Variants in SLC4A4 observed in about 807,000 individuals in gnomAD.
The protein encoded by SLC4A4 is electrogenic sodium bicarbonate cotransporter 1.
In SLC4A4, 27 loss-of-function variants were observed where a neutral mutation model predicts 111.5. That is an observed-to-expected ratio of 0.24 (90% confidence interval 0.18 to 0.33). SLC4A4 has a LOEUF of 0.33. Among genes scored for constraint, SLC4A4 ranks in the 10% least tolerant of loss-of-function variants. SLC4A4 has a pLI of 1.00. For synonymous variants in SLC4A4, 443 were observed against 463.4 expected (o/e 0.96, Z 0.57); for missense variants, 909 against 1,315.5 (o/e 0.69, Z 4.78).
upstream of SLC4A4, among the ~76,000 whole-genome samples, chr4:71,185,710 C>A (rs1196230996): frequency 6.6e-6 from 1 of 152,172 alleles, no homozygotes; most frequent in African/African-American, 2.4e-5. Context: ...ATCTCTGGAT[C>A]TCTTCCAGTT....
intron 2 of SLC4A4, among the ~76,000 whole-genome samples, chr4:71,156,572 ATGCGCG>A (rs747191715): frequency 1.5e-4 from 4 of 26,018 alleles, no homozygotes; most frequent in Non-Finnish European, 1.5e-3. Context: ...GTGTGCGCGC[ATGCGCG>A]CGCGCGCGCG....
intron 2 of SLC4A4, among the ~76,000 whole-genome samples, chr4:71,103,196 G>A (rs1742811288): frequency 6.6e-6 from 1 of 150,414 alleles, no homozygotes; most frequent in Non-Finnish European, 1.5e-5. Flanking sequence ...AATGGTAAAG[G>A]GATCAATTCA....
At chr4:71,526,608 T>C (rs1306716965) in intron 16 of SLC4A4, among the ~76,000 whole-genome samples, 1 of 152,128 alleles carries the variant, frequency 6.6e-6, no homozygotes, top group Admixed American at 6.6e-5. Context: ...TGTTTGTTTA[T>C]ATGTTATTAG....
At chr4:71,379,986 G>A (rs1369441190) in intron 6 of SLC4A4, among the ~76,000 whole-genome samples, 11 of 152,088 alleles carry the variant, frequency 7.2e-5, no homozygotes, top group Non-Finnish European at 1.3e-4. Flanking sequence ...ATAAATATTT[G>A]TTGACTAAAT....
chr4:71,197,170 G>A (rs942364538), intron 1 of SLC4A4, among the ~76,000 whole-genome samples: 1 of 151,974 alleles, frequency 6.6e-6, no homozygotes, highest in Non-Finnish European at 1.5e-5. Context: ...AGGTGAGGTC[G>A]CACCACTGCA....
intron 18 of SLC4A4, among the ~76,000 whole-genome samples, chr4:71,536,470 A>ATG (rs1213941983): frequency 4.9e-5 from 4 of 81,798 alleles, no homozygotes; most frequent in African/African-American, 1.7e-4. Context: ...ATATACATAT[A>ATG]TATATATATA....
intron 2 of SLC4A4, among the ~76,000 whole-genome samples, chr4:71,145,013 C>T (rs1225072684): frequency 2.0e-5 from 3 of 152,078 alleles, no homozygotes; most frequent in East Asian, 1.9e-4. Context: ...AGAGGGCATC[C>T]GTGTCTTGTG....
rs779444394 is a variant in SLC4A4 at position 71,567,076 on chromosome 4, A to C, written c.*29A>C. 17 of 1,608,626 alleles carry C rather than the reference A, an allele frequency of 1.1e-5. No homozygotes were observed. In the Admixed American group the frequency reaches 2.9e-4, roughly 27 times the overall value. On this transcript the variant is annotated 3_prime_UTR_variant, in exon 25 of 26. Coordinates refer to ENST00000264485, the MANE Select transcript of SLC4A4 (RefSeq NM_001098484.3). ...AATTCCTTTCCTTCAGTCACTCGGT[A>C]TGCCAAGGTAAAGGAGAGCCCAGTA...
intron 6 of SLC4A4, among the ~76,000 whole-genome samples, chr4:71,394,934 GA>G (rs1719663396): frequency 6.6e-6 from 1 of 152,138 alleles, no homozygotes; most frequent in Non-Finnish European, 1.5e-5. Context: ...GGAAGTGTGG[GA>G]GGGGGTGAGG....
intron 16 of SLC4A4, among the ~76,000 whole-genome samples, chr4:71,501,512 T>A (rs1471662045): frequency 6.6e-6 from 1 of 151,734 alleles, no homozygotes; most frequent in East Asian, 1.9e-4. Flanking sequence ...GTTTTTTTTA[T>A]TTCCTTGTTA....
chr4:71,173,766 G>C (rs897399633), intron 2 of SLC4A4, among the ~76,000 whole-genome samples: 4 of 152,126 alleles, frequency 2.6e-5, no homozygotes, highest in African/African-American at 9.7e-5. Context: ...CTCAAATTTT[G>C]AGTAAATCTG....
At chr4:71,103,455 C>G (rs1425030643) in intron 2 of SLC4A4, among the ~76,000 whole-genome samples, 1 of 152,202 alleles carries the variant, frequency 6.6e-6, no homozygotes, top group Non-Finnish European at 1.5e-5. Context: ...CACCCCAAAT[C>G]AGCAGAATAT....
At chr4:71,318,509 T>C (rs1301331784) in intron 3 of SLC4A4, among the ~76,000 whole-genome samples, 3 of 152,060 alleles carry the variant, frequency 2.0e-5, no homozygotes, top group African/African-American at 7.2e-5. Context: ...ATTTAATAGC[T>C]AAAGAATACA....
chr4:71,201,288 T>A (rs776036750), intron 1 of SLC4A4, among the ~76,000 whole-genome samples: 1 of 152,182 alleles, frequency 6.6e-6, no homozygotes, highest in African/African-American at 2.4e-5. Context: ...TGCCCCCAGA[T>A]AAGGAAGCTA....
chr4:71,302,549 G>T (rs1335605189), intron 3 of SLC4A4, among the ~76,000 whole-genome samples: 1 of 152,214 alleles, frequency 6.6e-6, no homozygotes, highest in East Asian at 1.9e-4. Context: ...AATGAGCTGT[G>T]AATCTTGAAC....
At chr4:71,103,317 T>C (rs1742815418) in intron 2 of SLC4A4, among the ~76,000 whole-genome samples, 1 of 152,106 alleles carries the variant, frequency 6.6e-6, no homozygotes, top group Non-Finnish European at 1.5e-5. Context: ...CGCACATTAA[T>C]AATGGGAGAC....
At chr4:71,109,111 A>T (rs902640046) in intron 2 of SLC4A4, among the ~76,000 whole-genome samples, 2 of 152,022 alleles carry the variant, frequency 1.3e-5, no homozygotes, top group Non-Finnish European at 2.9e-5. Flanking sequence ...GTCTCTGAAA[A>T]TCAGATTCTC....
intron 6 of SLC4A4, among the ~76,000 whole-genome samples, chr4:71,372,832 A>G (rs1463032164): frequency 6.6e-6 from 1 of 151,022 alleles, no homozygotes; most frequent in Admixed American, 6.6e-5. Context: ...AGTAGTTGTA[A>G]TACTGTTTTC....
chr4:71,246,314 G>C (rs1468595767), intron 2 of SLC4A4, among the ~76,000 whole-genome samples: 1 of 152,162 alleles, frequency 6.6e-6, no homozygotes, highest in Non-Finnish European at 1.5e-5. Flanking sequence ...ACTAGGACAA[G>C]GATCCACGTG....
Sources: gnomAD v4.1 joint callset for allele counts (sites outside exome capture counted in the v4.1 genomes callset) on GRCh38, gnomAD v4.1.1 for gene constraint, MANE v1.5 for transcripts, NCBI Gene and HGNC (gene_info 2026-07-23, HGNC 2026-07-21) for gene names.